Variants in GLS observed in about 807,000 individuals in gnomAD.
GLS encodes the protein glutaminase.
Under a neutral mutation model 86.7 loss-of-function variants are expected in GLS, and 36 were observed. The ratio of observed to expected loss-of-function variants is 0.42; its 90% CI spans 0.32 to 0.55. GLS has a LOEUF of 0.55. Among genes scored for constraint, GLS ranks in the 20% least tolerant of loss-of-function variants. The pLI, the probability that GLS is intolerant of heterozygous loss-of-function variation, is 0.17. For missense variants in GLS, 528 were observed against 833.4 expected (o/e 0.63, Z 4.51); for synonymous variants, 317 against 305.9 (o/e 1.04, Z -0.38).
chr2:190,907,749 G>T (rs889784097), intron 6 of GLS, among the ~76,000 whole-genome samples: 1 of 152,130 alleles, frequency 6.6e-6, no homozygotes, highest in African/African-American at 2.4e-5. Context: ...AGCTTTCCTT[G>T]TCTGTATTGT....
In GLS at chr2:190,947,221, G is replaced by A. The variant is rs992981238; in HGVS notation, c.1651-6344G>A. On this transcript the variant is annotated intron_variant, in intron 14 of 17. Coordinates refer to ENST00000320717, the MANE Select transcript of GLS (RefSeq NM_014905.5). The surrounding 1 kb of genome is among the most constrained non-coding windows in gnomAD (Gnocchi z 5.0). ...GGATAATGATAGGATTAAAGACTTA[G>A]GAATGCCATGTTTTAGATGTGTAAA... is the stretch of plus-strand genomic sequence containing the variant. 1.3e-5 allele frequency among the ~76,000 whole-genome samples: 2 copies of A among 152,132 alleles called. No individual in the cohort carries two copies. The highest frequency in any genetic ancestry group is 2.9e-5 in the Non-Finnish European group (2 of 68,038).
chr2:190,952,150 A>G (rs889393889), intron 14 of GLS, among the ~76,000 whole-genome samples: 2 of 152,198 alleles, frequency 1.3e-5, no homozygotes, highest in African/African-American at 4.8e-5. Context: ...ATGTTTTTAG[A>G]ACATTCTGGG....
rs1690067515 is a variant in GLS, at chr2:190,930,322, T to C, written c.1426-115T>C. The C allele has an allele frequency of 1.3e-6, 1 of 744,218 alleles. No homozygotes were observed. Among genetic ancestry groups the C allele is most frequent in the Non-Finnish European group, 2.3e-6 (1 of 440,558 alleles). The allele number at this position is 744,218 out of a possible 1,614,324, so 46.1% of individuals were successfully genotyped here. A position where few individuals can be genotyped will look rare whatever the true frequency, so the allele number is the denominator to read the frequency against. ...ATCTGCTTGCCTTGGCCTCCCAAAG[T>C]GCTGAGATTACAGGAGTGAGCCATG... On this transcript the variant is annotated intron_variant, in intron 12 of 17. Coordinates refer to ENST00000320717, the MANE Select transcript of GLS (RefSeq NM_014905.5). The surrounding 1 kb of genome is among the most constrained non-coding windows in gnomAD (Gnocchi z 5.0).
intron 14 of GLS, among the ~76,000 whole-genome samples, chr2:190,945,198 A>T (rs1342122390): frequency 6.6e-6 from 1 of 152,198 alleles, no homozygotes; most frequent in African/African-American, 2.4e-5. Context: ...CAGAAATAAC[A>T]TTTGGAGCAC....
intron 14 of GLS, chr2:190,934,894 C>T (rs930974770): frequency 1.0e-6 from 1 of 979,108 alleles, no homozygotes; most frequent in Non-Finnish European, 1.2e-6. Context: ...CGAATAGGCC[C>T]TCAAACTTAA....
intron 11 of GLS, among the ~76,000 whole-genome samples, chr2:190,925,097 G>A (rs1689857277): frequency 1.3e-5 from 2 of 152,140 alleles, no homozygotes; most frequent in South Asian, 4.1e-4. Context: ...AATTTTTTCT[G>A]TAAACATATT....
At chr2:190,886,122 C>T (rs1180387255) in intron 1 of GLS, among the ~76,000 whole-genome samples, 3 of 151,966 alleles carry the variant, frequency 2.0e-5, no homozygotes, top group African/African-American at 4.8e-5. Flanking sequence ...ACGCCTGCTT[C>T]GGCCTCCCAA....
At position 190,926,735 on chromosome 2, in the gene GLS, T is replaced by C. The variant is rs79778015; in HGVS notation, c.1249-571T>C. 4.5e-4 allele frequency among the ~76,000 whole-genome samples: 68 copies of C among 152,294 alleles called. No individual in the cohort carries two copies. In the East Asian group the frequency reaches 7.9e-3, roughly 18 times the overall value. On this transcript the variant is annotated intron_variant, in intron 11 of 17. Coordinates refer to ENST00000320717, the MANE Select transcript of GLS (RefSeq NM_014905.5). ...AATGGTCTAAAGGATAACATTTTGG[T>C]TTAGGCTTACAGAGCATCTGAGACA...
chr2:190,908,834 A>C (rs575303760), intron 6 of GLS, among the ~76,000 whole-genome samples: 1 of 152,364 alleles, frequency 6.6e-6, no homozygotes, highest in African/African-American at 2.4e-5. Flanking sequence ...ATGCCTTAAA[A>C]TGATTTAGTG....
rs370943412 is a variant in GLS, at chr2:190,931,601, A to G, written c.1614A>G (p.Lys538=). Residue 538 remains lysine (K), a synonymous_variant, in exon 14 of 18, where the codon AAA becomes AAG. Transcript: ENST00000320717. ...ATGATAATTTGAGACACTTTGCAAA[A>G]AAACTTGATCCTCGAAGAGAAGGTG... ...HNYDNLRHFA[K]KLDPRREGGD... 9 of 1,585,110 alleles carry G rather than the reference A, an allele frequency of 5.7e-6. No homozygotes were observed. Among genetic ancestry groups the G allele is most frequent in the Non-Finnish European group, 6.9e-6 (8 of 1,155,966 alleles).
rs1236064937 is a variant in GLS, at chr2:190,897,448, T to A, written c.605+1723T>A. Among the ~76,000 whole-genome samples, 1 of 152,252 alleles carries A rather than the reference T, an allele frequency of 6.6e-6. No homozygotes were observed. Among genetic ancestry groups the A allele is most frequent in the Non-Finnish European group, 1.5e-5 (1 of 68,032 alleles). ...AATTAAGAGATAGTAATTATTGTTT[T>A]AAACACTAATCCAATTTTTAAAAAT... On this transcript the variant is annotated intron_variant, in intron 3 of 17. Coordinates refer to ENST00000320717, the MANE Select transcript of GLS (RefSeq NM_014905.5). The surrounding 1 kb of genome is among the most constrained non-coding windows in gnomAD (Gnocchi z 4.3).
At chr2:190,890,616 AC>A (rs779114719) in intron 1 of GLS, among the ~76,000 whole-genome samples, 12 of 152,282 alleles carry the variant, frequency 7.9e-5, no homozygotes, top group Non-Finnish European at 1.5e-4. Flanking sequence ...TTTCTATCTA[AC>A]AGGTTTATTA....
intron 14 of GLS, among the ~76,000 whole-genome samples, chr2:190,945,677 G>GA (rs770318287): frequency 3.4e-5 from 5 of 148,908 alleles, no homozygotes; most frequent in South Asian, 2.1e-4. Context: ...AAAAAAAAAA[G>GA]AAAAAAAAAT....
rs1690246424 is a variant in GLS, at chr2:190,935,520, C to G, written c.1650+3883C>G. 6.6e-6 allele frequency among the ~76,000 whole-genome samples: 1 copy of G among 151,040 alleles called. No individual in the cohort carries two copies. The highest frequency in any genetic ancestry group is 6.6e-5 in the Admixed American group (1 of 15,142). On this transcript the variant is annotated intron_variant, in intron 14 of 17. Transcript: ENST00000320717. This position sits in a 1 kb window ranked among gnomAD's most constrained non-coding sequence, Gnocchi z 4.2. ...ATTAGTGGTTTTTTTGGGAGGAGGA[C>G]TTTTCTTATTGGTTGTACTAGAAGT...
rs1348465666 is a variant in GLS, at chr2:190,962,652, G to A, written c.1854-178G>A. ...TCTCCATATCCCAACTTGTCTTGGA[G>A]ACTACTTTTTGAATTATAAATCCCT... On this transcript the variant is annotated intron_variant, in intron 17 of 17. Transcript: ENST00000320717. This position sits in a 1 kb window ranked among gnomAD's most constrained non-coding sequence, Gnocchi z 4.2. 1.3e-5 allele frequency among the ~76,000 whole-genome samples: 2 copies of A among 152,142 alleles called. No individual in the cohort carries two copies. Among genetic ancestry groups the A allele is most frequent in the Non-Finnish European group, 1.5e-5 (1 of 68,008 alleles).
At chr2:190,910,228 A>G (rs748014148) in intron 6 of GLS, 35 bp from the exon 7 acceptor site, 2 of 1,168,642 alleles carry the variant, frequency 1.7e-6, no homozygotes, top group South Asian at 1.3e-5. Context: ...GTGTTTAAGT[A>G]TTTGAAATAA....
intron 1 of GLS, 200 bp downstream of exon 1, chr2:190,881,670 A>G: frequency 3.9e-6 from 2 of 513,830 alleles, no homozygotes; most frequent in South Asian, 2.6e-5. Context: ...ACCCTCCGCC[A>G]GGCACCCACT....
At chr2:190,926,183 T>C (rs1357398703) in intron 11 of GLS, among the ~76,000 whole-genome samples, 2 of 152,156 alleles carry the variant, frequency 1.3e-5, no homozygotes, top group Admixed American at 1.3e-4. Flanking sequence ...ATGTGCTGCC[T>C]TATGACAAAC....
At chr2:190,950,526 T>G (rs547268619) in intron 14 of GLS, among the ~76,000 whole-genome samples, 2 of 152,278 alleles carry the variant, frequency 1.3e-5, no homozygotes, top group South Asian at 4.1e-4. Context: ...CTACCCCCCA[T>G]GGTCTGTATG....
Sources: gnomAD v4.1 joint callset for allele counts (sites outside exome capture counted in the v4.1 genomes callset) on GRCh38, gnomAD v4.1.1 for gene constraint, Gnocchi (gnomAD v3.1) non-coding constraint, MANE v1.5 for transcripts, NCBI Gene and HGNC (gene_info 2026-07-23, HGNC 2026-07-21) for gene names.